The following OPRM1 variants were observed in gnomAD, a reference collection of about 807,000 sequenced individuals.
The protein encoded by OPRM1 is mu-type opioid receptor.
OPRM1 carries 27 observed loss-of-function variants against 31.8 expected under a neutral mutation model. That is an observed-to-expected ratio of 0.85 (90% CI 0.63 to 1.17). The LOEUF (loss-of-function observed/expected upper bound fraction) is 1.17, where lower values mean the gene tolerates loss of function less well. Among genes scored for constraint, OPRM1 ranks in the 50% most tolerant of loss-of-function variants. OPRM1 has a pLI of 0.00. For missense variants in OPRM1, 536 were observed against 511.1 expected, an observed-to-expected ratio of 1.05 and a Z score of -0.47; for synonymous variants, 196 against 189.9, an observed-to-expected ratio of 1.03 and a Z score of -0.26.
At chr6:154,021,078 A>T (rs1778338015) in intron 1 of OPRM1, among the ~76,000 whole-genome samples, 1 of 152,150 alleles carries the variant, frequency 6.6e-6, no homozygotes, top group African/African-American at 2.4e-5. Context: ...ATATTCTAGG[A>T]GTTTTATAGT....
chr6:154,199,866 G>T, intron 3 of OPRM1: 2 of 1,614,174 alleles, frequency 1.2e-6, no homozygotes, highest in Non-Finnish European at 1.7e-6. Flanking sequence ...AACGTTATTG[G>T]TTGTCCCTCA....
chr6:154,183,575 A>G (rs1227637080), intron 3 of OPRM1, among the ~76,000 whole-genome samples: 3 of 152,222 alleles, frequency 2.0e-5, no homozygotes, highest in Admixed American at 6.5e-5. Context: ...CTATAAAGGT[A>G]TGTTCTAACT....
upstream of OPRM1, among the ~76,000 whole-genome samples, chr6:154,036,467 C>T (rs1372904241): frequency 6.6e-6 from 1 of 151,866 alleles, no homozygotes; most frequent in Non-Finnish European, 1.5e-5. Context: ...AAGTTCAAGT[C>T]CTGCTCTAGA....
chr6:154,147,119 C>T (rs1174638809), intron 3 of OPRM1, among the ~76,000 whole-genome samples: 2 of 152,144 alleles, frequency 1.3e-5, no homozygotes, highest in Admixed American at 1.3e-4. Flanking sequence ...AGGGAAGCAG[C>T]TGCTATTCAA....
intron 1 of OPRM1, among the ~76,000 whole-genome samples, chr6:154,051,908 C>A (rs2128417141): frequency 6.6e-6 from 1 of 152,192 alleles, no homozygotes; most frequent in African/African-American, 2.4e-5. Flanking sequence ...TTTACAATAG[C>A]AAAGACATGG....
intron 1 of OPRM1, among the ~76,000 whole-genome samples, chr6:154,083,060 A>C (rs904664436): frequency 1.3e-5 from 2 of 152,298 alleles, no homozygotes; most frequent in Admixed American, 6.5e-5. Context: ...AATTTTCAGA[A>C]ATCGAATAAT....
At chr6:154,090,226 T>A in intron 2 of OPRM1, 48 bp downstream of exon 2, 1 of 1,225,642 alleles carries the variant, frequency 8.2e-7, no homozygotes, top group Non-Finnish European at 1.2e-6. Context: ...CAGCCTGATA[T>A]GTTGGTGATG....
At chr6:154,142,082 C>A (rs1420983834) in intron 3 of OPRM1, among the ~76,000 whole-genome samples, 1 of 148,286 alleles carries the variant, frequency 6.7e-6, no homozygotes, top group Admixed American at 6.8e-5. Context: ...GCCCAACTCT[C>A]ACGCTCTGGA....
chr6:154,154,674 C>G (rs890381650), intron 3 of OPRM1: 2 of 152,214 alleles, frequency 1.3e-5, no homozygotes, highest in Non-Finnish European at 2.9e-5. Flanking sequence ...AAATGAACAC[C>G]AGTAGTATAT....
At chr6:154,201,525 A>G (rs1262011019) in intron 3 of OPRM1, among the ~76,000 whole-genome samples, 1 of 152,224 alleles carries the variant, frequency 6.6e-6, no homozygotes, top group Non-Finnish European at 1.5e-5. Flanking sequence ...ACAGCAGACA[A>G]GGTAGAGAAG....
chr6:154,101,877 G>A (rs1224284702), intron 3 of OPRM1, among the ~76,000 whole-genome samples: 1 of 152,064 alleles, frequency 6.6e-6, no homozygotes, highest in African/African-American at 2.4e-5. Context: ...ATTTTCATCA[G>A]GTTAAGGGGA....
At chr6:154,100,897 A>G (rs1372926813) in intron 3 of OPRM1, among the ~76,000 whole-genome samples, 2 of 148,414 alleles carry the variant, frequency 1.3e-5, no homozygotes, top group Non-Finnish European at 3.0e-5. Context: ...ATATATGTAT[A>G]TATAATCCAG....
At position 154,126,256 on chromosome 6, in the gene OPRM1, A is replaced by T. The variant is rs1583630814; in HGVS notation, c.*7535A>T. ...CCTAAGAGTCTGGGTAAAATTGAACATAGCCATATTCACTGAACAACATGA... is the reference window on the plus strand; with the variant it reads ...CCTAAGAGTCTGGGTAAAATTGAACTTAGCCATATTCACTGAACAACATGA... On this transcript the variant is annotated 3_prime_UTR_variant, in exon 4 of 4. Coordinates refer to ENST00000330432, the MANE Select transcript of OPRM1 (RefSeq NM_000914.5). Among the ~76,000 whole-genome samples the T allele has an allele frequency of 6.6e-6, 1 of 152,226 alleles. No homozygotes were observed. The highest frequency in any genetic ancestry group is 2.1e-4 in the South Asian group (1 of 4,830).
intron 3 of OPRM1, among the ~76,000 whole-genome samples, chr6:154,165,529 G>A (rs1300414303): frequency 6.6e-6 from 1 of 152,106 alleles, no homozygotes; most frequent in East Asian, 1.9e-4. Flanking sequence ...CATGACATGG[G>A]TCCTGTTCTA....
At chr6:154,047,438 T>TTC (rs61704475) in intron 1 of OPRM1, among the ~76,000 whole-genome samples, 12,230 of 146,440 alleles carry the variant, frequency 0.084, 555 homozygotes, top group South Asian at 0.2. Flanking sequence ...GTGGGCAAAA[T>TTC]TCTCTCTCTC....
At chr6:154,053,217 C>T (rs139929722) in intron 1 of OPRM1, among the ~76,000 whole-genome samples, 83 of 152,280 alleles carry the variant, frequency 5.5e-4, no homozygotes, top group African/African-American at 1.9e-3. Context: ...ACAGTATTTT[C>T]GTCTTCAATC....
chr6:154,133,947 C>G (rs1797993005), downstream of OPRM1, among the ~76,000 whole-genome samples: 1 of 152,146 alleles, frequency 6.6e-6, no homozygotes, highest in South Asian at 2.1e-4. Flanking sequence ...CTGGAAATGG[C>G]CTATGGTTTG....
At chr6:154,096,134 T>G (rs559021549) in intron 3 of OPRM1, among the ~76,000 whole-genome samples, 12 of 152,324 alleles carry the variant, frequency 7.9e-5, no homozygotes, top group Admixed American at 7.2e-4. Flanking sequence ...CTCAGCTCAC[T>G]GCAACCTCTT....
At chr6:154,173,997 A>AAG (rs1292048464) in intron 3 of OPRM1, among the ~76,000 whole-genome samples, 1 of 152,222 alleles carries the variant, frequency 6.6e-6, no homozygotes, top group East Asian at 1.9e-4. Context: ...TACAAGCCAG[A>AAG]AGAGAGTGGG....
Sources: gnomAD v4.1 joint callset for allele counts (sites outside exome capture counted in the v4.1 genomes callset) on GRCh38, gnomAD v4.1.1 for gene constraint, MANE v1.5 for transcripts, NCBI Gene and HGNC (gene_info 2026-07-23, HGNC 2026-07-21) for gene names.